Variants in SHISA6 observed in about 807,000 individuals in gnomAD.
SHISA6 encodes protein shisa-6.
Under a neutral mutation model 47.9 loss-of-function variants are expected in SHISA6, and 22 were observed. The observed-to-expected ratio is 0.46, with a 90% CI of 0.33 to 0.66. The LOEUF (loss-of-function observed/expected upper bound fraction) is 0.66, where lower values mean the gene tolerates loss of function less well. SHISA6 is among the 30% of genes least tolerant of loss of function. The pLI is 0.02. For synonymous variants in SHISA6, 388 were observed against 337.8 expected, an observed-to-expected ratio of 1.15 and a Z score of -1.63; for missense variants, 680 against 764.6, an observed-to-expected ratio of 0.89 and a Z score of 1.30.
At chr17:11,349,373 T>C (rs112622630) in intron 2 of SHISA6, among the ~76,000 whole-genome samples, 1 of 152,208 alleles carries the variant, frequency 6.6e-6, no homozygotes, top group African/African-American at 2.4e-5. Context: ...CCTCTCAGAT[T>C]CTATGATTTC....
At chr17:11,309,626 T>C (rs1007159338) in intron 2 of SHISA6, among the ~76,000 whole-genome samples, 2 of 152,234 alleles carry the variant, frequency 1.3e-5, no homozygotes, top group Admixed American at 6.5e-5. Flanking sequence ...GGCCATACTC[T>C]AAGGCATCAT....
intron 3 of SHISA6, among the ~76,000 whole-genome samples, chr17:11,510,232 G>A (rs2071531157): frequency 6.6e-6 from 1 of 151,924 alleles, no homozygotes; most frequent in Admixed American, 6.6e-5. Flanking sequence ...TTTCTTCAGG[G>A]AGCCTCCTCT....
chr17:11,263,321 A>T (rs1030763021), intron 1 of SHISA6, 45 bp from the exon 2 acceptor site: 23 of 1,546,336 alleles, frequency 1.5e-5, no homozygotes, highest in Non-Finnish European at 2.0e-5. Flanking sequence ...ATGGTTGTGC[A>T]CACCTGCTCA....
intron 3 of SHISA6, among the ~76,000 whole-genome samples, chr17:11,396,799 C>T: frequency 6.6e-6 from 1 of 152,094 alleles, no homozygotes. Flanking sequence ...GCATGCGGGG[C>T]TTAAAACCTA....
chr17:11,257,954 T>C (rs1334153151), intron 1 of SHISA6, among the ~76,000 whole-genome samples: 2 of 152,202 alleles, frequency 1.3e-5, no homozygotes, highest in East Asian at 3.9e-4. Context: ...TGAAGAGAAC[T>C]AAAGATTAGA....
intron 2 of SHISA6, among the ~76,000 whole-genome samples, chr17:11,365,302 G>T (rs1356282710): frequency 1.3e-5 from 2 of 151,874 alleles, no homozygotes; most frequent in Non-Finnish European, 2.9e-5. Context: ...ATTTGAGTTG[G>T]AGTCTCACTC....
Position 11,373,921 on chromosome 17 carries a change from G to A in SHISA6, c.800-5493G>A, listed in dbSNP as rs184392186. On this transcript the variant is annotated intron_variant, in intron 2 of 5. Coordinates refer to ENST00000441885, the MANE Select transcript of SHISA6 (RefSeq NM_207386.4). ...AGGATTTATCTAGGTTATATACCTA[G>A]AAGTAGAGTGGCCAGTTTCCTGCTA... 1.4e-3 allele frequency among the ~76,000 whole-genome samples: 218 copies of A among 152,306 alleles called. 1 individual carries two copies. Among genetic ancestry groups the A allele is most frequent in the African/African-American group, 5.0e-3 (208 of 41,574 alleles).
At chr17:11,519,816 A>G (rs2071614431) in intron 3 of SHISA6, among the ~76,000 whole-genome samples, 1 of 152,142 alleles carries the variant, frequency 6.6e-6, no homozygotes, top group African/African-American at 2.4e-5. Flanking sequence ...ATGCAAATCC[A>G]GTAAATACCT....
chr17:11,338,656 G>A (rs1273952024), intron 2 of SHISA6, among the ~76,000 whole-genome samples: 5 of 151,448 alleles, frequency 3.3e-5, no homozygotes, highest in East Asian at 1.9e-4. Context: ...TGATCTGCCC[G>A]CCTTGGTCCT....
intron 3 of SHISA6, among the ~76,000 whole-genome samples, chr17:11,405,042 G>A (rs1913904022): frequency 6.6e-6 from 1 of 152,074 alleles, no homozygotes; most frequent in Non-Finnish European, 1.5e-5. Flanking sequence ...CGAGACAGTA[G>A]TTTCTGACCC....
chr17:11,395,982 C>A (rs2142259877), intron 3 of SHISA6, among the ~76,000 whole-genome samples: 1 of 152,260 alleles, frequency 6.6e-6, no homozygotes, highest in Admixed American at 6.5e-5. Flanking sequence ...GTCTTTATGA[C>A]TAAGGTAGAT....
At chr17:11,263,254 G>A (rs888523270) in intron 1 of SHISA6, 112 bp from the exon 2 acceptor site, 18 of 1,142,796 alleles carry the variant, frequency 1.6e-5, no homozygotes, top group African/African-American at 3.1e-5. Flanking sequence ...TGCTGTCTCT[G>A]TCTCTTCCTG....
chr17:11,538,582 G>T (rs2969226), intron 3 of SHISA6, among the ~76,000 whole-genome samples: 63,918 of 151,922 alleles, frequency 0.42, 13,942 homozygotes, highest in East Asian at 0.59. Flanking sequence ...CTGCAGCATT[G>T]CCCAAAGTGT....
chr17:11,464,665 G>A (rs969673908), intron 3 of SHISA6, among the ~76,000 whole-genome samples: 20 of 152,136 alleles, frequency 1.3e-4, no homozygotes, highest in Non-Finnish European at 1.2e-4. Flanking sequence ...ATCCCTGGCC[G>A]GGCACGGTGG....
chr17:11,437,586 G>A (rs1914974561), intron 3 of SHISA6, among the ~76,000 whole-genome samples: 1 of 152,176 alleles, frequency 6.6e-6, no homozygotes, highest in Non-Finnish European at 1.5e-5. Context: ...TGGCATGGAG[G>A]GATGGAACAG....
At chr17:11,485,521 A>C (rs1916325069) in intron 3 of SHISA6, among the ~76,000 whole-genome samples, 1 of 152,176 alleles carries the variant, frequency 6.6e-6, no homozygotes, top group Non-Finnish European at 1.5e-5. Flanking sequence ...TATGCTGGAC[A>C]TCCCAGGAAA....
intron 2 of SHISA6, among the ~76,000 whole-genome samples, chr17:11,270,222 C>T (rs1279975422): frequency 6.6e-6 from 1 of 152,252 alleles, no homozygotes; most frequent in Non-Finnish European, 1.5e-5. Flanking sequence ...GAGCTGCTCG[C>T]CTTCGCCTCC....
chr17:11,444,291 C>T (rs542004385), intron 3 of SHISA6, among the ~76,000 whole-genome samples: 66 of 151,938 alleles, frequency 4.3e-4, no homozygotes, highest in African/African-American at 1.5e-3. Flanking sequence ...TGCACTCTAG[C>T]CTAGGTGACA....
chr17:11,300,931 G>A lies in SHISA6; in HGVS notation c.799+37405G>A, dbSNP rs185171328. ...CTGTAATTGTTCAGCCCTGTATGGG[G>A]TGGGGGGAGAGAAAATCACAACATG... On this transcript the variant is annotated intron_variant, in intron 2 of 5. Transcript: ENST00000441885. Among the ~76,000 whole-genome samples, 596 of 151,742 alleles carry A rather than the reference G, an allele frequency of 3.9e-3. 6 individuals are homozygous for A. Among genetic ancestry groups the A allele is most frequent in the African/African-American group, 0.013 (558 of 41,340 alleles).
Sources: gnomAD v4.1 joint callset for allele counts (sites outside exome capture counted in the v4.1 genomes callset) on GRCh38, gnomAD v4.1.1 for gene constraint, MANE v1.5 for transcripts, NCBI Gene and HGNC (gene_info 2026-07-23, HGNC 2026-07-21) for gene names.